PRDM1: variants seen among roughly 807,000 people sequenced by gnomAD.
PRDM1 encodes the protein PR/SET domain 1, also known as PR domain zinc finger protein 1.
In PRDM1, 13 loss-of-function variants were observed where a neutral mutation model predicts 62.8. The observed-to-expected ratio is 0.21, with a 90% CI of 0.13 to 0.33. The LOEUF (loss-of-function observed/expected upper bound fraction) is 0.33. Ranked by LOEUF, PRDM1 falls within the 10% of genes least tolerant of loss-of-function variation. The pLI is 1.00. For missense variants in PRDM1, 895 were observed against 1,058.8 expected (o/e 0.85, Z 2.15); for synonymous variants, 396 against 417.6 (o/e 0.95, Z 0.63).
chr6:105,995,508 G>A (rs1772338193), intron 1 of PRDM1, among the ~76,000 whole-genome samples: 1 of 152,084 alleles, frequency 6.6e-6, no homozygotes, highest in African/African-American at 2.4e-5. Context: ...GAGGAAGAGC[G>A]TTTCAGAAGA....
chr6:106,024,141 C>CA (rs146834924), intron 1 of PRDM1, among the ~76,000 whole-genome samples: 37,951 of 149,500 alleles, frequency 0.25, 5,251 homozygotes, highest in Non-Finnish European at 0.32. Context: ...GACCGTGTCT[C>CA]AAAAAAAAAA....
At chr6:106,071,121 A>T (rs1436878393) in intron 1 of PRDM1, among the ~76,000 whole-genome samples, 1 of 152,060 alleles carries the variant, frequency 6.6e-6, no homozygotes, top group Non-Finnish European at 1.5e-5. Context: ...AAATACAAAA[A>T]ATTAGCCAGG....
At chr6:106,043,713 T>C (rs1773034836), upstream of PRDM1, among the ~76,000 whole-genome samples, 1 of 152,136 alleles carries the variant, frequency 6.6e-6, no homozygotes, top group Non-Finnish European at 1.5e-5. Context: ...TTTGTATTTT[T>C]AGTAGAGACG....
chr6:106,018,984 A>C (rs1462207951), intron 1 of PRDM1, among the ~76,000 whole-genome samples: 1 of 152,142 alleles, frequency 6.6e-6, no homozygotes, highest in Non-Finnish European at 1.5e-5. Context: ...TATTCTAAGA[A>C]GAGTGCAGGG....
intron 1 of PRDM1, among the ~76,000 whole-genome samples, chr6:106,064,902 A>T (rs1172010938): frequency 6.6e-6 from 1 of 152,126 alleles, no homozygotes; most frequent in Non-Finnish European, 1.5e-5. Flanking sequence ...TAACTGAATC[A>T]CCGTTTCCTC....
intron 1 of PRDM1, among the ~76,000 whole-genome samples, chr6:106,040,073 T>C (rs927308955): frequency 1.3e-5 from 2 of 152,248 alleles, no homozygotes; most frequent in African/African-American, 4.8e-5. Flanking sequence ...TCCTGTGTGT[T>C]TGGGCACTGC....
intron 1 of PRDM1, among the ~76,000 whole-genome samples, chr6:106,060,274 A>G (rs945910255): frequency 6.6e-6 from 1 of 152,378 alleles, no homozygotes; most frequent in Non-Finnish European, 1.5e-5. Flanking sequence ...AGTCATGTGA[A>G]GAATTTTCTC....
intron 1 of PRDM1, among the ~76,000 whole-genome samples, chr6:106,015,840 T>A: frequency 6.6e-6 from 1 of 152,236 alleles, no homozygotes. Flanking sequence ...AAAATATACA[T>A]GACAAAAGTT....
At chr6:106,032,024 C>T (rs1457814605) in intron 1 of PRDM1, among the ~76,000 whole-genome samples, 3 of 152,096 alleles carry the variant, frequency 2.0e-5, no homozygotes, top group Non-Finnish European at 4.4e-5. Flanking sequence ...TATGTTGTGA[C>T]TCAGTTGAAG....
At chr6:106,095,799 G>C in intron 3 of PRDM1, 65 bp downstream of exon 3, 1 of 1,565,450 alleles carries the variant, frequency 6.4e-7, no homozygotes, top group Non-Finnish European at 8.7e-7. Context: ...AAAGAGCTGG[G>C]TGGCTCACCT....
intron 1 of PRDM1, among the ~76,000 whole-genome samples, chr6:106,033,410 C>T (rs149340857): frequency 9.7e-4 from 147 of 151,672 alleles, no homozygotes; most frequent in African/African-American, 3.3e-3. Flanking sequence ...GCCTTGACAT[C>T]CCAAATGCGT....
intron 1 of PRDM1, among the ~76,000 whole-genome samples, chr6:106,067,380 A>G (rs1214712668): frequency 1.3e-5 from 2 of 152,198 alleles, no homozygotes; most frequent in Non-Finnish European, 2.9e-5. Context: ...TAGAATTACC[A>G]TATTACCCAG....
chr6:106,005,141 C>T (rs2114545341), intron 1 of PRDM1, among the ~76,000 whole-genome samples: 1 of 152,320 alleles, frequency 6.6e-6, no homozygotes, highest in African/African-American at 2.4e-5. Context: ...CTTATCAAAA[C>T]TTAATTTCCA....
At chr6:106,042,717 C>A (rs946038002) in intron 1 of PRDM1, among the ~76,000 whole-genome samples, 7 of 152,158 alleles carry the variant, frequency 4.6e-5, no homozygotes, top group Non-Finnish European at 8.8e-5. Flanking sequence ...CTTATGCACT[C>A]ACCCTGCTGC....
intron 2 of PRDM1, among the ~76,000 whole-genome samples, chr6:106,091,286 T>C: frequency 6.6e-6 from 1 of 152,226 alleles, no homozygotes; most frequent in Non-Finnish European, 1.5e-5. Flanking sequence ...TGAGGACTCC[T>C]TTGGTGTCCA....
intron 2 of PRDM1, among the ~76,000 whole-genome samples, chr6:106,094,268 G>T (rs1774032318): frequency 6.6e-6 from 1 of 152,144 alleles, no homozygotes; most frequent in Non-Finnish European, 1.5e-5. Flanking sequence ...GTCCATTTTA[G>T]TAAAGAATTC....
chr6:106,060,482 T>C (rs1773329680), intron 1 of PRDM1, among the ~76,000 whole-genome samples: 1 of 152,060 alleles, frequency 6.6e-6, no homozygotes, highest in Admixed American at 6.5e-5. Context: ...GCTGTAGACA[T>C]AGATAACTCA....
chr6:105,999,573 A>C (rs1320339242), intron 1 of PRDM1, among the ~76,000 whole-genome samples: 1 of 152,054 alleles, frequency 6.6e-6, no homozygotes, highest in Non-Finnish European at 1.5e-5. Flanking sequence ...TCTCAGACTC[A>C]AGTGTCATCG....
intron 4 of PRDM1, among the ~76,000 whole-genome samples, chr6:106,101,200 T>C (rs1774260907): frequency 6.6e-6 from 1 of 152,186 alleles, no homozygotes. Flanking sequence ...AGTTTAATCA[T>C]TCATGGATTC....
Sources: allele counts gnomAD v4.1 joint callset (sites outside exome capture counted in the v4.1 genomes callset), GRCh38; gene constraint gnomAD v4.1.1; transcripts MANE v1.5; gene names NCBI Gene and HGNC (gene_info 2026-07-23, HGNC 2026-07-21).